The following TTC7B variants were observed in gnomAD, a reference collection of about 807,000 sequenced individuals.
The protein encoded by TTC7B is tetratricopeptide repeat domain 7B.
In TTC7B, 28 loss-of-function variants were observed where a neutral mutation model predicts 106.8. The observed-to-expected ratio is 0.26, with a 90% CI of 0.19 to 0.36. The LOEUF (loss-of-function observed/expected upper bound fraction) is 0.36, where lower values mean the gene tolerates loss of function less well. TTC7B is among the 10% of genes least tolerant of loss of function. TTC7B has a pLI of 1.00. For synonymous variants in TTC7B, 405 were observed against 430.6 expected (o/e 0.94, Z 0.74); for missense variants, 862 against 1,076.4 (o/e 0.80, Z 2.79).
Position 90,758,228 on chromosome 14 carries a change from G to A in TTC7B, c.446-13306C>T, listed in dbSNP as rs572265284. ...TACAGGGGCTTCAAATGGTCAGCCG[G>A]CCTTGGGGCACCACTGTCCCGGTGG... On this transcript the variant is annotated intron_variant, in intron 3 of 19. Transcript: ENST00000328459. Among the ~76,000 whole-genome samples the A allele has an allele frequency of 4.0e-5, 6 of 150,438 alleles. No individual in the cohort carries two copies. In the East Asian group the frequency reaches 1.2e-3, roughly 29 times the overall value.
rs765030993 is a variant in TTC7B at position 90,658,304 on chromosome 14, T to C, written c.1236A>G (p.Lys412=). The change falls in exon 10 of 20, where the codon AAA becomes AAG. Residue 412 remains lysine (K), a splice_region_variant and synonymous_variant. Coordinates refer to ENST00000328459, the MANE Select transcript of TTC7B (RefSeq NM_001010854.2). ...QFALSLMAAG[K]SARAVKVLKE... is the part of the protein sequence containing the mutation. ...ACTGCCCATCACAAAAGGGACTCAC[T>C]TTTCCAGCAGCCATCAGGGACAGAG... The C allele has an allele frequency of 1.9e-6, 3 of 1,613,840 alleles. No homozygotes were observed. In the South Asian group the frequency reaches 3.3e-5, roughly 18 times the overall value.
intron 19 of TTC7B, among the ~76,000 whole-genome samples, chr14:90,557,230 G>T (rs142798034): frequency 1.3e-5 from 2 of 152,270 alleles, no homozygotes; most frequent in East Asian, 3.9e-4. Flanking sequence ...CTGAACACTG[G>T]CAGCAAAGGC....
intron 5 of TTC7B, among the ~76,000 whole-genome samples, chr14:90,727,564 G>A (rs1410735639): frequency 6.6e-6 from 1 of 152,226 alleles, no homozygotes. Context: ...CCTGGCATCA[G>A]GTTTTCTGAA....
Position 90,646,968 on chromosome 14 carries a change from G to A in TTC7B, c.1573C>T (p.Leu525Phe). Residue 525 changes from leucine (L) to phenylalanine (F), a missense_variant, in exon 14 of 20, where the codon CTT (leucine) becomes TTT (phenylalanine). Transcript: ENST00000328459. ...HQAAFYLALQ[L>F]AISRQIPEAL... ...AAACTGACCTGTCTGGAGATGGCAA[G>A]CTGCAGAGCCAGGTAGAAAGCTGCT... 6.2e-7 allele frequency: 1 copy of A among 1,614,140 alleles called. No individual in the cohort carries two copies. Among genetic ancestry groups the A allele is most frequent in the Non-Finnish European group, 8.5e-7 (1 of 1,179,974 alleles).
At chr14:90,651,964 T>G (rs922921213) in intron 13 of TTC7B, among the ~76,000 whole-genome samples, 5 of 152,172 alleles carry the variant, frequency 3.3e-5, no homozygotes, top group Non-Finnish European at 7.3e-5. Context: ...AAGAAATCAG[T>G]GTAACTCAGA....
At chr14:90,740,445 A>C (rs576931914) in intron 4 of TTC7B, among the ~76,000 whole-genome samples, 2 of 151,864 alleles carry the variant, frequency 1.3e-5, no homozygotes, top group Non-Finnish European at 2.9e-5. Context: ...GGGAAAAGCA[A>C]ATTCTCCCGA....
intron 19 of TTC7B, among the ~76,000 whole-genome samples, chr14:90,564,609 A>G (rs1890713492): frequency 6.6e-6 from 1 of 152,234 alleles, no homozygotes; most frequent in Non-Finnish European, 1.5e-5. Flanking sequence ...TGTTTCATCT[A>G]CATTAAAAAA....
intron 4 of TTC7B, among the ~76,000 whole-genome samples, chr14:90,737,546 G>GTTTTTTTTTTTTTTTTTTTTTTTTTTT (rs71461922): frequency 2.2e-5 from 2 of 91,750 alleles, no homozygotes; most frequent in Non-Finnish European, 4.3e-5. Flanking sequence ...GTATGATTCT[G>GTTTTTTTTTTTTTTTTTTTTTTTTTTT]TTTTTTTTTT....
intron 19 of TTC7B, among the ~76,000 whole-genome samples, chr14:90,545,609 T>C (rs1889796158): frequency 6.6e-6 from 1 of 152,180 alleles, no homozygotes. Context: ...ACCAGGGCCT[T>C]GGCCCAGTGG....
intron 3 of TTC7B, among the ~76,000 whole-genome samples, chr14:90,778,359 TG>T (rs1211366584): frequency 6.6e-6 from 1 of 152,114 alleles, no homozygotes; most frequent in Non-Finnish European, 1.5e-5. Flanking sequence ...CCACCTTTCA[TG>T]GCAGCCAAAA....
At chr14:90,613,467 T>C (rs1463214279) in intron 16 of TTC7B, among the ~76,000 whole-genome samples, 1 of 152,204 alleles carries the variant, frequency 6.6e-6, no homozygotes, top group African/African-American at 2.4e-5. Flanking sequence ...CAATTTTTAG[T>C]TCTTCATTTA....
chr14:90,649,029 G>C (rs1885599147), intron 13 of TTC7B: 1 of 152,202 alleles, frequency 6.6e-6, no homozygotes, highest in African/African-American at 2.4e-5. Flanking sequence ...CATAAAGATA[G>C]TTCTGGCTAA....
At position 90,805,914 on chromosome 14, in the gene TTC7B, G is replaced by A. The variant is rs1015639486; in HGVS notation, c.121+10261C>T. Among the ~76,000 whole-genome samples, 1 of 152,210 alleles carries A rather than the reference G, an allele frequency of 6.6e-6. No homozygotes were observed. Among genetic ancestry groups the A allele is most frequent in the Admixed American group, 6.5e-5 (1 of 15,284 alleles). ...GGTGGGGCTGTGGCCTTTGCCTCTG[G>A]AAGGGACTGCCCTTCCTCCTGGTTC... is the stretch of plus-strand genomic sequence containing the variant. On this transcript the variant is annotated intron_variant, in intron 1 of 19. Transcript: ENST00000328459. This position sits in a 1 kb window ranked among gnomAD's most constrained non-coding sequence, Gnocchi z 4.0.
intron 15 of TTC7B, among the ~76,000 whole-genome samples, chr14:90,625,580 G>A (rs1368268794): frequency 2.6e-5 from 4 of 152,160 alleles, no homozygotes; most frequent in South Asian, 2.1e-4. Flanking sequence ...TCACTGGCCC[G>A]ACCTCCGCCA....
At chr14:90,564,317 A>C (rs193120581) in intron 19 of TTC7B, among the ~76,000 whole-genome samples, 157 of 152,292 alleles carry the variant, frequency 1.0e-3, no homozygotes, top group African/African-American at 3.6e-3. Flanking sequence ...AAGTGTCAAC[A>C]GTGGGCATAA....
intron 4 of TTC7B, among the ~76,000 whole-genome samples, chr14:90,741,049 G>A (rs915744655): frequency 1.3e-5 from 2 of 152,116 alleles, no homozygotes; most frequent in Admixed American, 1.3e-4. Context: ...GAGATACAGA[G>A]AGGCTGAGCA....
chr14:90,542,496 A>G (rs894384474), intron 19 of TTC7B, among the ~76,000 whole-genome samples: 1 of 152,144 alleles, frequency 6.6e-6, no homozygotes, highest in African/African-American at 2.4e-5. Flanking sequence ...CGCTCATCCA[A>G]TGGACACTCT....
intron 15 of TTC7B, among the ~76,000 whole-genome samples, chr14:90,640,131 G>T (rs1380430399): frequency 6.6e-6 from 1 of 152,084 alleles, no homozygotes; most frequent in African/African-American, 2.4e-5. Flanking sequence ...ATACAAAAAT[G>T]AGCTGGGTAT....
chr14:90,749,149 G>C (rs1427372371), intron 3 of TTC7B, among the ~76,000 whole-genome samples: 1 of 151,874 alleles, frequency 6.6e-6, no homozygotes, highest in Non-Finnish European at 1.5e-5. Context: ...CTTTTTTCCT[G>C]GCTGCTTTTA....
Sources: allele counts gnomAD v4.1 joint callset (sites outside exome capture counted in the v4.1 genomes callset), GRCh38; gene constraint gnomAD v4.1.1; non-coding constraint Gnocchi (gnomAD v3.1); transcripts MANE v1.5; gene names NCBI Gene and HGNC (gene_info 2026-07-23, HGNC 2026-07-21).